COL23A1: variants seen among roughly 807,000 people sequenced by gnomAD.
COL23A1 encodes collagen type XXIII alpha 1 chain, also known as collagen alpha-1(XXIII) chain.
Under a neutral mutation model 99.3 loss-of-function variants are expected in COL23A1, and 97 were observed. The ratio of observed to expected loss-of-function variants is 0.98; its 90% CI spans 0.83 to 1.16. COL23A1 has a LOEUF of 1.16. COL23A1 is among the 50% of genes most tolerant of loss of function. The pLI is 0.00. For synonymous variants in COL23A1, 320 were observed against 308.2 expected (o/e 1.04, Z -0.40); for missense variants, 762 against 757.4 (o/e 1.01, Z -0.07).
chr5:178,468,861 G>C lies in COL23A1; in HGVS notation c.361+91821C>G, dbSNP rs1217324690. Among the ~76,000 whole-genome samples the C allele has an allele frequency of 2.0e-5, 3 of 152,094 alleles. No individual in the cohort carries two copies. Among genetic ancestry groups the C allele is most frequent in the Non-Finnish European group, 4.4e-5 (3 of 68,020 alleles). On this transcript the variant is annotated intron_variant, in intron 2 of 28. Coordinates refer to ENST00000390654, the MANE Select transcript of COL23A1 (RefSeq NM_173465.4). This position sits in a 1 kb window ranked among gnomAD's most constrained non-coding sequence, Gnocchi z 4.2. ...AGCCATCAGCACCCTCCACCTCCAG[G>C]ACGTTTTCATCTTCCCCTGCTGAAA...
chr5:178,292,574 GC>G, intron 3 of COL23A1, among the ~76,000 whole-genome samples: 1 of 152,316 alleles, frequency 6.6e-6, no homozygotes, highest in South Asian at 2.1e-4. Context: ...GTGAGACCTG[GC>G]TCATATTTTA....
In COL23A1 at chr5:178,290,487, G is replaced by A. The variant is rs575103402; in HGVS notation, c.407-118C>T. The stretch of plus-strand genomic sequence containing the variant: ...GGCTCCTGGCCACCTCTCCCCGGAA[G>A]GCTTTGATGCTGCCATGGCTGTTTC... On this transcript the variant is annotated intron_variant, in intron 3 of 28. Transcript: ENST00000390654. 10 of 1,319,074 alleles carry A rather than the reference G, an allele frequency of 7.6e-6. No homozygotes were observed. In the Admixed American group the frequency reaches 1.7e-4, roughly 23 times the overall value. 81.7% of individuals were successfully genotyped at this position (1,319,074 alleles called of 1,614,324 possible). A position where few individuals can be genotyped will look rare whatever the true frequency, so the allele number is the denominator to read the frequency against.
At chr5:178,334,436 A>C (rs7720589) in intron 2 of COL23A1, among the ~76,000 whole-genome samples, 98,436 of 152,008 alleles carry the variant, frequency 0.65, 33,506 homozygotes, top group East Asian at 0.95. Context: ...CGGCCGGCAC[A>C]GGCCACCCTC....
rs1164498814 is a variant in COL23A1 at position 178,523,239 on chromosome 5, CAGAG to C, written c.361+37439_361+37442del. Among the ~76,000 whole-genome samples, 13 of 66,210 alleles carry C rather than the reference CAGAG, an allele frequency of 2.0e-4. 1 individual carries two copies. Among genetic ancestry groups the C allele is most frequent in the South Asian group, 4.9e-4 (1 of 2,040 alleles). The allele number at this position is 66,210 out of a possible 152,430, so 43.4% of individuals were successfully genotyped here. The stretch of plus-strand genomic sequence containing the variant: ...AGAGAGAGAGAGACAGAGGGAGAGA[CAGAG>C]AGAGAGAGAGAGACAGAGAGAGAGA... On this transcript the variant is annotated intron_variant, in intron 2 of 28. Coordinates refer to ENST00000390654, the MANE Select transcript of COL23A1 (RefSeq NM_173465.4).
In COL23A1 at chr5:178,238,817, C is replaced by T. The variant is rs558221220; in HGVS notation, c.1621-117G>A. On this transcript the variant is annotated intron_variant, in intron 28 of 28. Coordinates refer to ENST00000390654, the MANE Select transcript of COL23A1 (RefSeq NM_173465.4). Reference sequence around the variant, plus strand: ...CATTTCCTCCTATCTTCCCTCCCCCCACTCCCTCTCAGTGGGCCAGTTGGG... The same window carrying T: ...CATTTCCTCCTATCTTCCCTCCCCCTACTCCCTCTCAGTGGGCCAGTTGGG... 1.3e-3 allele frequency: 1,750 copies of T among 1,385,052 alleles called. 12 individuals are homozygous for T. The Middle Eastern group carries it at 0.017, about 13-fold the overall frequency. 85.8% of individuals were successfully genotyped at this position (1,385,052 alleles called of 1,614,324 possible).
intron 1 of COL23A1, among the ~76,000 whole-genome samples, chr5:178,565,575 G>T (rs766872107): frequency 2.0e-5 from 3 of 152,120 alleles, no homozygotes; most frequent in Non-Finnish European, 2.9e-5. Flanking sequence ...AAATACAACT[G>T]AAGTATTATT....
Position 178,255,521 on chromosome 5 carries a change from C to A in COL23A1, c.883-495G>T, listed in dbSNP as rs1765255059. On this transcript the variant is annotated intron_variant, in intron 15 of 28. Coordinates refer to ENST00000390654, the MANE Select transcript of COL23A1 (RefSeq NM_173465.4). This position sits in a 1 kb window ranked among gnomAD's most constrained non-coding sequence, Gnocchi z 4.2. Reference sequence around the variant, plus strand: ...CATGCCCATGTCCATATGCTGCACACTCATTGTGCACACTCACACGTGCAC... The same window carrying A: ...CATGCCCATGTCCATATGCTGCACAATCATTGTGCACACTCACACGTGCAC... Among the ~76,000 whole-genome samples the A allele has an allele frequency of 6.6e-6, 1 of 152,158 alleles. No homozygotes were observed. The highest frequency in any genetic ancestry group is 2.4e-5 in the African/African-American group (1 of 41,432).
At chr5:178,316,672 CT>C (rs1275238338) in intron 2 of COL23A1, among the ~76,000 whole-genome samples, 1 of 152,146 alleles carries the variant, frequency 6.6e-6, no homozygotes, top group Non-Finnish European at 1.5e-5. Context: ...ACTATTTTAA[CT>C]AGAATTATAG....
intron 4 of COL23A1, among the ~76,000 whole-genome samples, chr5:178,288,741 A>T (rs542199810): frequency 6.6e-6 from 1 of 152,092 alleles, no homozygotes; most frequent in Non-Finnish European, 1.5e-5. Flanking sequence ...GTTTCCTCTC[A>T]GTTGCCACTG....
intron 1 of COL23A1, chr5:178,562,049 T>C: frequency 1.9e-6 from 1 of 532,144 alleles, no homozygotes; most frequent in Non-Finnish European, 3.6e-6. Context: ...TGTCTGGAGT[T>C]GGTTCCTGCC....
chr5:178,314,439 C>G (rs774811438), intron 2 of COL23A1, among the ~76,000 whole-genome samples: 16 of 152,168 alleles, frequency 1.1e-4, no homozygotes, highest in Admixed American at 5.9e-4. Flanking sequence ...CCGACCACCC[C>G]AGTGACCAGA....
At chr5:178,502,195 G>A (rs1009350146) in intron 2 of COL23A1, among the ~76,000 whole-genome samples, 6 of 152,182 alleles carry the variant, frequency 3.9e-5, no homozygotes, top group Non-Finnish European at 7.3e-5. Context: ...GCAGTGGCGT[G>A]ATCTCGGCCC....
intron 17 of COL23A1, among the ~76,000 whole-genome samples, chr5:178,251,303 G>A (rs1765020661): frequency 1.3e-5 from 2 of 151,972 alleles, no homozygotes; most frequent in Admixed American, 1.3e-4. Context: ...TTACAGGCGT[G>A]AGCCACCGTG....
chr5:178,275,208 C>A (rs1342885419), intron 5 of COL23A1, among the ~76,000 whole-genome samples: 1 of 152,246 alleles, frequency 6.6e-6, no homozygotes, highest in African/African-American at 2.4e-5. Context: ...CAAATTGGGT[C>A]CCAGGTCAGT....
intron 3 of COL23A1, among the ~76,000 whole-genome samples, chr5:178,294,309 C>T (rs111324216): frequency 8.6e-5 from 1 of 11,650 alleles, no homozygotes; most frequent in African/African-American, 1.9e-4. Flanking sequence ...AATCACTACC[C>T]AGCTCCCTCC....
chr5:178,502,321 C>CA lies in COL23A1; in HGVS notation c.361+58360_361+58361insT, dbSNP rs571441444. Among the ~76,000 whole-genome samples the CA allele has an allele frequency of 6.2e-3, 938 of 152,190 alleles. 12 individuals are homozygous for CA. The highest frequency in any genetic ancestry group is 0.019 in the African/African-American group (794 of 41,526). On this transcript the variant is annotated intron_variant, in intron 2 of 28. Coordinates refer to ENST00000390654, the MANE Select transcript of COL23A1 (RefSeq NM_173465.4). ...TAATTTTTTGTATTTTTAGTAGAGA[C>CA]GGGGTTTCACCATGTTAGCCAGGAT...
intron 2 of COL23A1, among the ~76,000 whole-genome samples, chr5:178,443,558 T>C (rs1010399113): frequency 2.6e-5 from 4 of 152,180 alleles, no homozygotes; most frequent in African/African-American, 9.7e-5. Context: ...CCTCCCAGGT[T>C]CAAGTGATTC....
chr5:178,527,433 G>A (rs1760371647), intron 2 of COL23A1, among the ~76,000 whole-genome samples: 3 of 152,076 alleles, frequency 2.0e-5, no homozygotes, highest in African/African-American at 4.8e-5. Context: ...CTCTTCCCTG[G>A]GGCTCTGCCA....
At position 178,288,327 on chromosome 5, in the gene COL23A1, G is replaced by A. The variant is rs780941437; in HGVS notation, c.438C>T (p.Tyr146=). The A allele has an allele frequency of 1.6e-5, 26 of 1,610,512 alleles. No homozygotes were observed. The highest frequency in any genetic ancestry group is 2.2e-5 in the Non-Finnish European group (26 of 1,176,732). ...GPPGQSGRDG[Y]PGPLGLDGKP... is the part of the protein sequence containing the mutation. The stretch of plus-strand genomic sequence containing the variant: ...AAAAAAATAAATGACAAATTACCGG[G>A]TAGCCATCTCGTCCTGATTGCCCCT... The change falls in exon 5 of 29, where the codon TAC becomes TAT. Residue 146 remains tyrosine (Y), a synonymous_variant. Coordinates refer to ENST00000390654, the MANE Select transcript of COL23A1 (RefSeq NM_173465.4).
Sources: allele counts gnomAD v4.1 joint callset (sites outside exome capture counted in the v4.1 genomes callset), GRCh38; gene constraint gnomAD v4.1.1; non-coding constraint Gnocchi (gnomAD v3.1); transcripts MANE v1.5; gene names NCBI Gene and HGNC (gene_info 2026-07-23, HGNC 2026-07-21).